WDR72: variants seen among roughly 807,000 people sequenced by gnomAD.
WDR72 encodes the protein WD repeat domain 72.
WDR72 carries 120 observed loss-of-function variants against 124.2 expected under a neutral mutation model. The observed-to-expected ratio is 0.97, with a 90% CI of 0.83 to 1.12. The LOEUF (loss-of-function observed/expected upper bound fraction) is 1.12, where lower values mean the gene tolerates loss of function less well. WDR72 is among the 50% of genes most tolerant of loss of function. The pLI is 0.00. For missense variants in WDR72, 1,387 were observed against 1,278.8 expected, an observed-to-expected ratio of 1.08 and a Z score of -1.29; for synonymous variants, 452 against 441.7, an observed-to-expected ratio of 1.02 and a Z score of -0.29.
At chr15:53,653,129 C>A (rs915277984) in intron 14 of WDR72, among the ~76,000 whole-genome samples, 2 of 151,878 alleles carry the variant, frequency 1.3e-5, no homozygotes, top group Non-Finnish European at 2.9e-5. Flanking sequence ...ATATTTTTTT[C>A]TCTTACAATT....
intron 16 of WDR72, among the ~76,000 whole-genome samples, chr15:53,611,444 A>C (rs2013534563): frequency 6.6e-6 from 1 of 151,986 alleles, no homozygotes; most frequent in Admixed American, 6.6e-5. Flanking sequence ...ACTTATATTA[A>C]ATCTTAAATT....
chr15:53,713,686 G>T (rs1332818919), intron 6 of WDR72, among the ~76,000 whole-genome samples: 1 of 151,860 alleles, frequency 6.6e-6, no homozygotes, highest in Non-Finnish European at 1.5e-5. Flanking sequence ...TTGAACTCCT[G>T]ACCTCTGGTG....
In WDR72 at chr15:53,621,165, A is replaced by C. The variant is rs146205655; in HGVS notation, c.1963-4922T>G. Reference sequence around the variant, plus strand: ...AATAGATGTTGGCTTGGATGTGGTAAACAGGGAGTGCTTCTACACTGCTGG... The same window carrying C: ...AATAGATGTTGGCTTGGATGTGGTACACAGGGAGTGCTTCTACACTGCTGG... On this transcript the variant is annotated intron_variant, in intron 14 of 19. Transcript: ENST00000360509. Among the ~76,000 whole-genome samples the C allele has an allele frequency of 8.6e-3, 1,314 of 152,112 alleles. 19 individuals carry two copies. Among genetic ancestry groups the C allele is most frequent in the African/African-American group, 0.03 (1,227 of 41,488 alleles).
intron 18 of WDR72, among the ~76,000 whole-genome samples, chr15:53,585,471 G>C (rs1453053306): frequency 6.6e-6 from 1 of 152,012 alleles, no homozygotes; most frequent in Non-Finnish European, 1.5e-5. Flanking sequence ...TTAGAGATGA[G>C]ATTTGGGTGG....
chr15:53,547,060 A>ATT (rs1893506211), intron 18 of WDR72, among the ~76,000 whole-genome samples: 1 of 152,262 alleles, frequency 6.6e-6, no homozygotes, highest in African/African-American at 2.4e-5. Context: ...GACAAAATAC[A>ATT]TAAGCCTTGG....
chr15:53,551,697 A>G (rs1414248421), intron 18 of WDR72, among the ~76,000 whole-genome samples: 1 of 152,188 alleles, frequency 6.6e-6, no homozygotes, highest in African/African-American at 2.4e-5. Flanking sequence ...CTTAAGAGTC[A>G]GACATAAGAT....
At chr15:53,658,117 T>C (rs920343834) in intron 14 of WDR72, among the ~76,000 whole-genome samples, 3 of 152,110 alleles carry the variant, frequency 2.0e-5, no homozygotes, top group Non-Finnish European at 2.9e-5. Context: ...AAACTAAAAA[T>C]CAAACTCAGC....
At chr15:53,621,142 T>C (rs1453188927) in intron 14 of WDR72, among the ~76,000 whole-genome samples, 2 of 151,470 alleles carry the variant, frequency 1.3e-5, no homozygotes, top group South Asian at 2.1e-4. Context: ...AAAAAAATAA[T>C]AGATGTTGGC....
At chr15:53,730,053 T>C (rs2018157054) in intron 2 of WDR72, among the ~76,000 whole-genome samples, 1 of 152,194 alleles carries the variant, frequency 6.6e-6, no homozygotes, top group Non-Finnish European at 1.5e-5. Context: ...GGATACAAAC[T>C]GTTATGTGTG....
intron 13 of WDR72, among the ~76,000 whole-genome samples, chr15:53,691,767 A>G (rs2016853597): frequency 6.6e-6 from 1 of 152,180 alleles, no homozygotes; most frequent in Admixed American, 6.5e-5. Context: ...CATTATTACC[A>G]TGAGGAAACT....
chr15:53,740,931 G>C (rs1421464127), intron 1 of WDR72, among the ~76,000 whole-genome samples: 2 of 152,170 alleles, frequency 1.3e-5, no homozygotes, highest in South Asian at 2.1e-4. Context: ...GTGGAGCAGA[G>C]AGCAATACTA....
chr15:53,521,310 C>T (rs556266154), intron 19 of WDR72, among the ~76,000 whole-genome samples: 2 of 152,018 alleles, frequency 1.3e-5, no homozygotes, highest in Non-Finnish European at 2.9e-5. Context: ...CTCCTGGCCA[C>T]GGATCAATAT....
At chr15:53,544,521 A>C (rs962542460) in intron 18 of WDR72, among the ~76,000 whole-genome samples, 1 of 145,588 alleles carries the variant, frequency 6.9e-6, no homozygotes, top group African/African-American at 2.7e-5. Flanking sequence ...TCAAAATAAT[A>C]AGAGCTATCT....
chr15:53,518,343 T>C (rs553178214), intron 19 of WDR72, among the ~76,000 whole-genome samples: 17 of 152,196 alleles, frequency 1.1e-4, no homozygotes, highest in Admixed American at 4.6e-4. Context: ...TTTATATTAA[T>C]GACATGTCTA....
At chr15:53,657,471 T>A (rs2015470250) in intron 14 of WDR72, among the ~76,000 whole-genome samples, 1 of 152,068 alleles carries the variant, frequency 6.6e-6, no homozygotes, top group Non-Finnish European at 1.5e-5. Flanking sequence ...AGTCCCTAGA[T>A]CAAGCTAAAC....
intron 1 of WDR72, among the ~76,000 whole-genome samples, chr15:53,755,894 T>A (rs2018890422): frequency 6.6e-6 from 1 of 152,236 alleles, no homozygotes; most frequent in African/African-American, 2.4e-5. Flanking sequence ...CAGTCTCTAA[T>A]AGAAAAGGTA....
At chr15:53,726,467 CTTAT>C (rs2018042427) in intron 2 of WDR72, among the ~76,000 whole-genome samples, 1 of 151,806 alleles carries the variant, frequency 6.6e-6, no homozygotes, top group African/African-American at 2.4e-5. Flanking sequence ...TTAAAAATAT[CTTAT>C]TTATCTTCCT....
intron 14 of WDR72, among the ~76,000 whole-genome samples, chr15:53,651,810 G>A (rs2015252556): frequency 6.6e-6 from 1 of 151,992 alleles, no homozygotes; most frequent in African/African-American, 2.4e-5. Flanking sequence ...GCGACACCAT[G>A]CCGGCTAATT....
At chr15:53,665,808 T>C (rs2015759667) in intron 13 of WDR72, 40 bp from the exon 14 acceptor site, 1 of 1,583,816 alleles carries the variant, frequency 6.3e-7, no homozygotes, top group Non-Finnish European at 8.7e-7. Context: ...CAGGAAAATA[T>C]TTACCCCAAC....
Sources: gnomAD v4.1 joint callset for allele counts (sites outside exome capture counted in the v4.1 genomes callset) on GRCh38, gnomAD v4.1.1 for gene constraint, MANE v1.5 for transcripts, NCBI Gene and HGNC (gene_info 2026-07-23, HGNC 2026-07-21) for gene names.